Variants in WDR36 observed in about 807,000 individuals in gnomAD.
WDR36 encodes the protein WD repeat-containing protein 36.
Under a neutral mutation model 112.7 loss-of-function variants are expected in WDR36, and 63 were observed. The ratio of observed to expected loss-of-function variants is 0.56; its 90% CI spans 0.46 to 0.69. WDR36 has a LOEUF of 0.69. Among genes scored for constraint, WDR36 ranks in the 30% least tolerant of loss-of-function variants. The probability of loss-of-function intolerance (pLI) is 0.00; values close to 1 mark genes in which losing one functional copy is unlikely to be tolerated. For missense variants in WDR36, 1,226 were observed against 1,070.3 expected, an observed-to-expected ratio of 1.15 and a Z score of -2.03; for synonymous variants, 410 against 362.2, an observed-to-expected ratio of 1.13 and a Z score of -1.50.
chr5:111,098,689 A>C, intron 3 of WDR36, 33 bp from the exon 4 acceptor site: 2 of 1,284,176 alleles, frequency 1.6e-6, no homozygotes, highest in Non-Finnish European at 2.3e-6. Flanking sequence ...ACTGAGTAAT[A>C]ATATGAAATT....
intron 4 of WDR36, among the ~76,000 whole-genome samples, 171 bp from the exon 5 acceptor site, chr5:111,100,418 C>T (rs947680680): frequency 6.6e-6 from 1 of 151,800 alleles, no homozygotes; most frequent in Non-Finnish European, 1.5e-5. Context: ...CAAGTTGCCT[C>T]TCATTTATTT....
chr5:111,121,302 A>T (rs1045793215), intron 19 of WDR36, among the ~76,000 whole-genome samples, 161 bp downstream of exon 19: 17 of 152,146 alleles, frequency 1.1e-4, no homozygotes, highest in Non-Finnish European at 2.2e-4. Flanking sequence ...TTAATATGGT[A>T]TGATTATCAC....
At chr5:111,100,059 G>T (rs1056165913) in intron 4 of WDR36, among the ~76,000 whole-genome samples, 2 of 149,594 alleles carry the variant, frequency 1.3e-5, no homozygotes, top group African/African-American at 4.9e-5. Flanking sequence ...AGGGTTATAC[G>T]TTTTTTTTTT....
At chr5:111,120,854 C>A in intron 18 of WDR36, 142 bp from the exon 19 acceptor site, 2 of 821,812 alleles carry the variant, frequency 2.4e-6, no homozygotes, top group Non-Finnish European at 3.8e-6. Flanking sequence ...AAGGAAAAGA[C>A]AGGGATAAGT....
At chr5:111,114,508 T>G (rs1347559899) in intron 16 of WDR36, among the ~76,000 whole-genome samples, 3 of 152,210 alleles carry the variant, frequency 2.0e-5, no homozygotes. Context: ...ATCTTGCATA[T>G]ACACTGGATT....
Position 111,128,449 on chromosome 5 carries a change from A to T in WDR36, c.*1566A>T. On this transcript the variant is annotated 3_prime_UTR_variant, in exon 23 of 23. Transcript: ENST00000513710. ...AAAGCCACTGACAGAAATGTTAATC[A>T]TGACTTAAGTTCTAATTTAAAAAAC... 5.5e-6 allele frequency: 1 copy of T among 181,400 alleles called. No individual in the cohort carries two copies. The highest frequency in any genetic ancestry group is 1.2e-5 in the Non-Finnish European group (1 of 84,804). The allele number at this position is 181,400 out of a possible 1,614,324, so 11.2% of individuals were successfully genotyped here.
At chr5:111,110,401 T>C in intron 13 of WDR36, 98 bp downstream of exon 13, 1 of 1,013,166 alleles carries the variant, frequency 9.9e-7, no homozygotes, top group Middle Eastern at 2.6e-4. Context: ...GGCATTTTGC[T>C]AAAGTTGAAG....
At chr5:111,110,451 G>T in intron 13 of WDR36, 148 bp downstream of exon 13, 2 of 720,290 alleles carry the variant, frequency 2.8e-6, no homozygotes, top group African/African-American at 3.6e-5. Context: ...TACTGCAATT[G>T]TATCATAAGG....
chr5:111,109,831 AAAAG>A (rs1359152062), intron 12 of WDR36, among the ~76,000 whole-genome samples: 2 of 151,408 alleles, frequency 1.3e-5, no homozygotes, highest in Non-Finnish European at 3.0e-5. Flanking sequence ...AGGCAAGACA[AAAAG>A]AAATTAGGCG....
At chr5:111,121,874 C>T (rs1301273485) in intron 19 of WDR36, among the ~76,000 whole-genome samples, 2 of 152,020 alleles carry the variant, frequency 1.3e-5, no homozygotes, top group Admixed American at 1.3e-4. Context: ...TTTGGTGAAA[C>T]TTGAGTTGGT....
chr5:111,100,849 G>C, intron 5 of WDR36, 128 bp downstream of exon 5: 4 of 911,256 alleles, frequency 4.4e-6, no homozygotes, highest in Non-Finnish European at 6.6e-6. Context: ...ATAAATAACA[G>C]TTGGTCCCCT....
chr5:111,120,383 T>C (rs2112587886), intron 17 of WDR36, 113 bp from the exon 18 acceptor site: 1 of 824,034 alleles, frequency 1.2e-6, no homozygotes, highest in South Asian at 1.5e-5. Context: ...AATCTATCTT[T>C]GAGGTATTTT....
At chr5:111,099,474 T>TTG (rs1753073513) in intron 4 of WDR36, among the ~76,000 whole-genome samples, 1 of 139,636 alleles carries the variant, frequency 7.2e-6, no homozygotes, top group African/African-American at 2.6e-5. Flanking sequence ...TTTTTTTTTT[T>TTG]TTTTTTTTTT....
chr5:111,092,676 T>G (rs538703421), intron 1 of WDR36, 58 bp downstream of exon 1: 543 of 1,552,538 alleles, frequency 3.5e-4, no homozygotes, highest in Non-Finnish European at 4.6e-4. Context: ...CCTCTAACTC[T>G]GTCCTGGAGC....
In WDR36 at chr5:111,107,313, C is replaced by T; in HGVS notation, c.1200C>T (p.Asp400=). Residue 400 remains aspartate (D), a synonymous_variant, in exon 12 of 23, where the codon GAC becomes GAT. Transcript: ENST00000513710. ...TTTTAGAGGAAGCTCGTGAAAGTGA[C>T]TGGGATGGTATCATTGCTTGCCATC... The part of the protein sequence containing the change: ...KFAAEEARES[D]WDGIIACHQG... 2 of 1,610,072 alleles carry T rather than the reference C, an allele frequency of 1.2e-6. No individual in the cohort carries two copies. The highest frequency in any genetic ancestry group is 1.7e-6 in the Non-Finnish European group (2 of 1,177,448).
At chr5:111,102,699 C>G (rs971057896) in intron 6 of WDR36, among the ~76,000 whole-genome samples, 2 of 151,416 alleles carry the variant, frequency 1.3e-5, no homozygotes, top group African/African-American at 4.8e-5. Context: ...CTTGTGTAGA[C>G]TGGAAATGAG....
In WDR36 at chr5:111,092,360, G is replaced by C. The variant is rs750606695; in HGVS notation, c.-97G>C. 3.7e-6 allele frequency: 6 copies of C among 1,614,134 alleles called. No homozygotes were observed. In the Admixed American group the frequency reaches 5.0e-5, roughly 13 times the overall value. On this transcript the variant is annotated 5_prime_UTR_variant, in exon 1 of 23. Coordinates refer to ENST00000513710, the MANE Select transcript of WDR36 (RefSeq NM_139281.3). ...CGCCGGAAGCGGTGTTGTGTCTGCAGCTCTGGCAGAGGACTGTTCCACTAG... is the reference window on the plus strand; with the variant it reads ...CGCCGGAAGCGGTGTTGTGTCTGCACCTCTGGCAGAGGACTGTTCCACTAG...
At position 111,123,798 on chromosome 5, in the gene WDR36, T is replaced by C. The variant is rs769028957; in HGVS notation, c.2149-7T>C. Reference sequence around the variant, plus strand: ...CCTATTTTTCTTTCTCATTTTCTCTTAATCAGAAAAAGAATAAACCAAAGG... The same window carrying C: ...CCTATTTTTCTTTCTCATTTTCTCTCAATCAGAAAAAGAATAAACCAAAGG... On this transcript the variant is annotated splice_region_variant and splice_polypyrimidine_tract_variant and intron_variant, in intron 19 of 22. Transcript: ENST00000513710. 6.2e-7 allele frequency: 1 copy of C among 1,613,356 alleles called. No homozygotes were observed. The highest frequency in any genetic ancestry group is 1.7e-5 in the Admixed American group (1 of 60,014).
chr5:111,130,003 A>G lies in WDR36; in HGVS notation c.*3120A>G, dbSNP rs565178329. On this transcript the variant is annotated 3_prime_UTR_variant, in exon 23 of 23. Transcript: ENST00000513710. ...TTAAATTCTTTCACTGAGCTCTTCC[A>G]TATTCCTAGTAAATGATGCATTACT... The G allele has an allele frequency of 4.7e-5, 10 of 212,254 alleles. No individual in the cohort carries two copies. In the Admixed American group the frequency reaches 5.3e-4, roughly 11 times the overall value. The allele number at this position is 212,254 out of a possible 1,614,324, so 13.1% of individuals were successfully genotyped here.
Sources: gnomAD v4.1 joint callset for allele counts (sites outside exome capture counted in the v4.1 genomes callset) on GRCh38, gnomAD v4.1.1 for gene constraint, MANE v1.5 for transcripts, NCBI Gene and HGNC (gene_info 2026-07-23, HGNC 2026-07-21) for gene names.